The following MKRN1 variants were observed in gnomAD, a reference collection of about 807,000 sequenced individuals.
MKRN1 encodes the protein makorin ring finger protein 1.
In MKRN1, 9 loss-of-function variants were observed where a neutral mutation model predicts 55.5. That is an observed-to-expected ratio of 0.16 (90% CI 0.10 to 0.28). The LOEUF is 0.28. Ranked by LOEUF, MKRN1 falls within the 10% of genes least tolerant of loss-of-function variation. MKRN1 has a pLI of 1.00. For synonymous variants in MKRN1, 253 were observed against 235.9 expected (o/e 1.07, Z -0.66); for missense variants, 488 against 626.7 (o/e 0.78, Z 2.36).
At chr7:140,470,228 A>G (rs1447339671) in intron 2 of MKRN1, among the ~76,000 whole-genome samples, 1 of 150,904 alleles carries the variant, frequency 6.6e-6, no homozygotes, top group South Asian at 2.1e-4. Flanking sequence ...TTGAAAAAAA[A>G]AAAAGGCCAA....
chr7:140,461,364 C>A (rs1330433923), intron 2 of MKRN1, among the ~76,000 whole-genome samples: 1 of 152,140 alleles, frequency 6.6e-6, no homozygotes, highest in African/African-American at 2.4e-5. Context: ...TCTTTCTGGC[C>A]TGGTGCGGTG....
rs1399982690 is a variant in MKRN1 at position 140,456,703 on chromosome 7, T to C, written c.935A>G (p.Lys312Arg). The C allele has an allele frequency of 6.2e-7, 1 of 1,614,026 alleles. No individual in the cohort carries two copies. Among genetic ancestry groups the C allele is most frequent in the African/African-American group, 1.3e-5 (1 of 74,936 alleles). The change falls in exon 5 of 8, where the codon AAG becomes AGG. Residue 312 changes from lysine to arginine, a missense_variant. Coordinates refer to ENST00000255977, the MANE Select transcript of MKRN1 (RefSeq NM_013446.4). ...LSNCNHTYCL[K>R]CIRKWRSAKQ... is the part of the protein sequence containing the mutation. ...AGCACTCCTCCACTTGCGAATGCAC[T>C]TGAGACAGTAGGTGTGGTTGCAGTT...
chr7:140,471,129 T>C (rs540938633), intron 2 of MKRN1, among the ~76,000 whole-genome samples: 1 of 152,096 alleles, frequency 6.6e-6, no homozygotes, highest in Non-Finnish European at 1.5e-5. Context: ...ATGCTTGTAA[T>C]CCCAACACTT....
At chr7:140,475,532 C>T (rs1298391841) in intron 1 of MKRN1, among the ~76,000 whole-genome samples, 1 of 152,052 alleles carries the variant, frequency 6.6e-6, no homozygotes, top group Non-Finnish European at 1.5e-5. Flanking sequence ...GGGGTGGTGG[C>T]ACGTGCCTGT....
chr7:140,455,989 T>A, intron 5 of MKRN1, 89 bp from the exon 6 acceptor site: 2 of 1,224,392 alleles, frequency 1.6e-6, no homozygotes, highest in South Asian at 2.5e-5. Flanking sequence ...CCTCCAGACT[T>A]AAAGACTTAA....
chr7:140,463,710 C>G (rs1794687330), intron 2 of MKRN1, among the ~76,000 whole-genome samples: 2 of 151,932 alleles, frequency 1.3e-5, no homozygotes, highest in African/African-American at 2.4e-5. Flanking sequence ...ACGGTGAAAC[C>G]TCGTCTCTAC....
At position 140,459,972 on chromosome 7, in the gene MKRN1, C is replaced by A. The variant is rs375808428; in HGVS notation, c.315-36G>T. 16 of 1,560,556 alleles carry A rather than the reference C, an allele frequency of 1.0e-5. No individual in the cohort carries two copies. The African/African-American group carries it at 1.8e-4, about 17-fold the overall frequency. On this transcript the variant is annotated intron_variant, in intron 2 of 7. Coordinates refer to ENST00000255977, the MANE Select transcript of MKRN1 (RefSeq NM_013446.4). ...ATTCAAAAGTAAGCAGTCGGCCAGTCGTGGTGGCTCAAGCCTGTAATCCCA... is the reference window on the plus strand; with the variant it reads ...ATTCAAAAGTAAGCAGTCGGCCAGTAGTGGTGGCTCAAGCCTGTAATCCCA...
At chr7:140,458,572 G>T (rs1033524694) in intron 4 of MKRN1, among the ~76,000 whole-genome samples, 3 of 152,130 alleles carry the variant, frequency 2.0e-5, no homozygotes, top group Non-Finnish European at 4.4e-5. Context: ...AAATGGTAAT[G>T]GTTGCACATC....
intron 4 of MKRN1, among the ~76,000 whole-genome samples, chr7:140,457,413 G>A (rs1189798182): frequency 1.3e-5 from 2 of 152,128 alleles, no homozygotes; most frequent in Admixed American, 1.3e-4. Flanking sequence ...CAATTTTTGT[G>A]TGGACATCAT....
intron 2 of MKRN1, among the ~76,000 whole-genome samples, chr7:140,466,006 A>C (rs1011453223): frequency 3.9e-5 from 6 of 152,018 alleles, no homozygotes; most frequent in Non-Finnish European, 8.8e-5. Context: ...GCTTGAACCC[A>C]GGAGGCGGAC....
At chr7:140,455,325 G>T in intron 6 of MKRN1, 92 bp from the exon 7 acceptor site, 1 of 1,493,074 alleles carries the variant, frequency 6.7e-7, no homozygotes, top group Admixed American at 1.8e-5. Flanking sequence ...GGTAGGGATA[G>T]AACCAGTATG....
At chr7:140,463,746 G>C (rs1482133196) in intron 2 of MKRN1, among the ~76,000 whole-genome samples, 2 of 152,030 alleles carry the variant, frequency 1.3e-5, no homozygotes, top group Non-Finnish European at 2.9e-5. Context: ...TTAGCCGGGC[G>C]TGGTGGCAGG....
chr7:140,476,163 C>T (rs910733937), intron 1 of MKRN1, among the ~76,000 whole-genome samples: 1 of 152,114 alleles, frequency 6.6e-6, no homozygotes, highest in Non-Finnish European at 1.5e-5. Flanking sequence ...CTAAAACACA[C>T]CTCTACCTGA....
intron 2 of MKRN1, among the ~76,000 whole-genome samples, chr7:140,469,351 C>G (rs1288424875): frequency 6.6e-6 from 1 of 151,906 alleles, no homozygotes; most frequent in Non-Finnish European, 1.5e-5. Flanking sequence ...TACTATGACA[C>G]TGTCAAAAGT....
intron 6 of MKRN1, 117 bp from the exon 7 acceptor site, chr7:140,455,350 T>TCC (rs1794437803): frequency 7.9e-7 from 1 of 1,264,358 alleles, no homozygotes; most frequent in Non-Finnish European, 1.1e-6. Flanking sequence ...CTTACAGCCC[T>TCC]CCCCAAGATG....
At chr7:140,474,440 G>A (rs1276569791) in intron 1 of MKRN1, 6 of 362,696 alleles carry the variant, frequency 1.7e-5, no homozygotes, top group African/African-American at 8.7e-5. Flanking sequence ...AGTGGGTTGG[G>A]GGGGGCCCAG....
chr7:140,457,730 C>T (rs1311721614), intron 4 of MKRN1, among the ~76,000 whole-genome samples: 1 of 151,988 alleles, frequency 6.6e-6, no homozygotes, highest in Non-Finnish European at 1.5e-5. Flanking sequence ...AATAACACTG[C>T]AGAAGAGCAA....
intron 6 of MKRN1, 115 bp downstream of exon 6, chr7:140,455,675 G>A: frequency 1.3e-6 from 1 of 775,296 alleles, no homozygotes; most frequent in South Asian, 1.6e-5. Context: ...ACTGTCCTGG[G>A]AAGTCAAAGA....
Position 140,459,205 on chromosome 7 carries a change from C to A in MKRN1, c.573G>T (p.Leu191=). The change falls in exon 4 of 8, where the codon CTG becomes CTT. Residue 191 remains leucine, a synonymous_variant. Transcript: ENST00000255977. The part of the protein sequence containing the change: ...RTAPSCTEAP[L]QGSVTKEESE... ...ATTCTTCCTTGGTCACTGAGCCCTG[C>A]AGGGGTGCTTCAGTGCAGGAAGGCG... The A allele has an allele frequency of 3.7e-6, 6 of 1,613,908 alleles. No homozygotes were observed. The highest frequency in any genetic ancestry group is 5.1e-6 in the Non-Finnish European group (6 of 1,179,856).
Sources: gnomAD v4.1 joint callset for allele counts (sites outside exome capture counted in the v4.1 genomes callset) on GRCh38, gnomAD v4.1.1 for gene constraint, MANE v1.5 for transcripts, NCBI Gene and HGNC (gene_info 2026-07-23, HGNC 2026-07-21) for gene names.